Variants in CYP4B1 observed in about 807,000 individuals in gnomAD.
CYP4B1 encodes the protein cytochrome P450 family 4 subfamily B member 1.
CYP4B1 carries 45 observed loss-of-function variants against 54.0 expected under a neutral mutation model. The observed-to-expected ratio is 0.83, with a 90% confidence interval of 0.66 to 1.07. The LOEUF (loss-of-function observed/expected upper bound fraction) is 1.07, where lower values mean the gene tolerates loss of function less well. CYP4B1 is among the 50% of genes least tolerant of loss of function. The pLI, the probability that CYP4B1 is intolerant of heterozygous loss-of-function variation, is 0.00. For synonymous variants in CYP4B1, 248 were observed against 247.5 expected, an observed-to-expected ratio of 1.00 and a Z score of -0.02; for missense variants, 656 against 655.4, an observed-to-expected ratio of 1.00 and a Z score of -0.01.
chr1:46,814,488 G>A (rs532490055), intron 7 of CYP4B1, among the ~76,000 whole-genome samples, 173 bp downstream of exon 7: 1 of 152,282 alleles, frequency 6.6e-6, no homozygotes, highest in African/African-American at 2.4e-5. Context: ...GGCAGGTGTA[G>A]GGTGTGTGTG....
chr1:46,802,737 G>GA (rs978792200), intron 1 of CYP4B1, among the ~76,000 whole-genome samples: 52 of 152,176 alleles, frequency 3.4e-4, no homozygotes, highest in African/African-American at 1.2e-3. Context: ...TGCCTCAGAG[G>GA]AACTAGGTCT....
chr1:46,802,722 G>C (rs370440528), intron 1 of CYP4B1, among the ~76,000 whole-genome samples: 2 of 152,300 alleles, frequency 1.3e-5, no homozygotes, highest in East Asian at 3.9e-4. Context: ...TCAAGACAAA[G>C]AGCTTGCCTC....
chr1:46,800,291 T>TCCC (rs1678596524), intron 1 of CYP4B1, among the ~76,000 whole-genome samples: 1 of 134,048 alleles, frequency 7.5e-6, no homozygotes, highest in African/African-American at 2.8e-5. Flanking sequence ...CCTTCCTTCC[T>TCCC]TCCTTCCTTC....
chr1:46,815,127 A>G lies in CYP4B1; in HGVS notation c.936A>G (p.Thr312=), dbSNP rs747102740. The change falls in exon 8 of 12, where the codon ACA becomes ACG. Residue 312 remains threonine, a synonymous_variant. Transcript: ENST00000371923. The part of the protein sequence containing the change: ...SDADLRAEVD[T]FMFEGHDTTT... ...CAGACCTCCGGGCTGAAGTGGACAC[A>G]TTCATGTTTGAAGGCCATGACACCA... 4 of 1,614,234 alleles carry G rather than the reference A, an allele frequency of 2.5e-6. No individual in the cohort carries two copies. The South Asian group carries it at 3.3e-5, about 13-fold the overall frequency.
intron 1 of CYP4B1, among the ~76,000 whole-genome samples, chr1:46,807,055 G>A (rs1413154321): frequency 6.6e-6 from 1 of 152,182 alleles, no homozygotes; most frequent in African/African-American, 2.4e-5. Flanking sequence ...GTGCCTGGCA[G>A]GTGCTTCTAG....
chr1:46,813,669 C>T, intron 5 of CYP4B1, 63 bp downstream of exon 5: 2 of 1,602,336 alleles, frequency 1.2e-6, no homozygotes, highest in Non-Finnish European at 1.7e-6. Flanking sequence ...GGAGAGTTGG[C>T]AGGGGTCCTG....
Position 46,817,767 on chromosome 1 carries a change from C to T in CYP4B1, c.1208-198C>T, listed in dbSNP as rs537417685. 3.1e-4 allele frequency among the ~76,000 whole-genome samples: 47 copies of T among 152,238 alleles called. 1 individual carries two copies. The highest frequency in any genetic ancestry group is 2.7e-3 in the Admixed American group (41 of 15,286). On this transcript the variant is annotated intron_variant, in intron 9 of 11. Coordinates refer to ENST00000371923, the MANE Select transcript of CYP4B1 (RefSeq NM_001099772.2). The stretch of plus-strand genomic sequence containing the variant: ...GTCTATCAGGTGCTGTACCCAGTGC[C>T]GGGATTACAGGAACTGGGCATCATG...
chr1:46,815,260 C>T lies in CYP4B1; in HGVS notation c.1069C>T (p.Gln357Ter). Reference sequence around the variant, plus strand: ...GATCCTAGGGGACCAGGACTTCTTCCAGTGGTGAGTCTGAGGGTGGGCCCG... The same window carrying T: ...GATCCTAGGGGACCAGGACTTCTTCTAGTGGTGAGTCTGAGGGTGGGCCCG... The part of the protein sequence containing the change: ...REILGDQDFF[Q>*]WDDLGKMTYL... The change falls in exon 8 of 12, where the codon CAG (glutamine) becomes TAG (stop). Residue 357 changes from glutamine (Q) to a stop codon, truncating the protein, a stop_gained. Coordinates refer to ENST00000371923, the MANE Select transcript of CYP4B1 (RefSeq NM_001099772.2). LOFTEE classifies it high-confidence loss of function. 6.4e-7 allele frequency: 1 copy of T among 1,559,668 alleles called. No individual in the cohort carries two copies. Among genetic ancestry groups the T allele is most frequent in the Non-Finnish European group, 8.7e-7 (1 of 1,151,118 alleles).
rs1679467016 is a variant in CYP4B1, at chr1:46,819,340, CT to C, written c.*527del. ...AGACTGTACAAAATAATAAATAATT[CT>C]GAAGCAGACTCTCTTGTAACCATCA... On this transcript the variant is annotated 3_prime_UTR_variant, in exon 12 of 12. Coordinates refer to ENST00000371923, the MANE Select transcript of CYP4B1 (RefSeq NM_001099772.2). 6.6e-6 allele frequency: 1 copy of C among 152,660 alleles called. No individual in the cohort carries two copies. The highest frequency in any genetic ancestry group is 1.5e-5 in the Non-Finnish European group (1 of 68,432). The allele number at this position is 152,660 out of a possible 1,614,324, so 9.5% of individuals were successfully genotyped here.
Position 46,817,046 on chromosome 1 carries a change from A to G in CYP4B1, c.1074-2A>G, listed in dbSNP as rs1281568739. On this transcript the variant is annotated splice_acceptor_variant, in intron 8 of 11. Transcript: ENST00000371923. LOFTEE classifies it high-confidence loss of function. ...AGAATGTTCTGGTTGTGTTGCTGGCAGGGATGATCTGGGCAAAATGACTTA... is the reference window on the plus strand; with the variant it reads ...AGAATGTTCTGGTTGTGTTGCTGGCGGGGATGATCTGGGCAAAATGACTTA... 1 of 1,613,558 alleles carries G rather than the reference A, an allele frequency of 6.2e-7. No individual in the cohort carries two copies. The highest frequency in any genetic ancestry group is 1.3e-5 in the African/African-American group (1 of 74,912).
chr1:46,818,674 G>T lies in CYP4B1; in HGVS notation c.1399G>T (p.Val467Phe). ...QQFAMSEMKV[V>F]TAMCLLRFEF... Reference sequence around the variant, plus strand: ...GTTTGCCATGAGTGAGATGAAGGTGGTCACAGCCATGTGCTTGCTCCGCTT... The same window carrying T: ...GTTTGCCATGAGTGAGATGAAGGTGTTCACAGCCATGTGCTTGCTCCGCTT... The change falls in exon 12 of 12, where the codon GTC becomes TTC. Residue 467 changes from valine (V) to phenylalanine (F), a missense_variant. Coordinates refer to ENST00000371923, the MANE Select transcript of CYP4B1 (RefSeq NM_001099772.2). 6.2e-7 allele frequency: 1 copy of T among 1,614,206 alleles called. No homozygotes were observed. Among genetic ancestry groups the T allele is most frequent in the Non-Finnish European group, 8.5e-7 (1 of 1,180,038 alleles).
rs773046536 is a variant in CYP4B1 at position 46,812,555 on chromosome 1, C to A, written c.427C>A (p.Pro143Thr). Residue 143 changes from proline to threonine, a missense_variant, in exon 4 of 12, where the codon CCT becomes ACT. Pro to Thr is a conservative substitution (Grantham distance 38, BLOSUM62 -1). Transcript: ENST00000371923. ...GTTGCAGCACCGCAAGCTGCTCACA[C>A]CTGGCTTTCATTATGATGTGCTGAA... is the stretch of plus-strand genomic sequence containing the variant. ...KWLQHRKLLTPGFHYDVLKPY... is the reference protein window; with the variant it reads ...KWLQHRKLLTTGFHYDVLKPY... 1.2e-6 allele frequency: 2 copies of A among 1,614,074 alleles called. No homozygotes were observed. Among genetic ancestry groups the A allele is most frequent in the Non-Finnish European group, 1.7e-6 (2 of 1,179,966 alleles).
Position 46,810,901 on chromosome 1 carries a change from C to G in CYP4B1, c.274C>G (p.Leu92Val). ...PLWFGQFIGF[L>V]NIYEPDYAKA... ...CTGGTTCGGACAGTTCATTGGCTTC[C>G]TGAACATCTATGAGCCTGACTATGC... Residue 92 changes from leucine to valine, a missense_variant, in exon 2 of 12, where the codon CTG (leucine) becomes GTG (valine). Coordinates refer to ENST00000371923, the MANE Select transcript of CYP4B1 (RefSeq NM_001099772.2). The G allele has an allele frequency of 6.2e-7, 1 of 1,614,152 alleles. No individual in the cohort carries two copies. Among genetic ancestry groups the G allele is most frequent in the South Asian group, 1.1e-5 (1 of 91,082 alleles).
chr1:46,811,628 A>C (rs1333674165), intron 3 of CYP4B1, among the ~76,000 whole-genome samples: 1 of 152,214 alleles, frequency 6.6e-6, no homozygotes. Context: ...CAGGGAGGAC[A>C]GGCCAGCCTT....
chr1:46,810,778 A>C (rs771254668), intron 1 of CYP4B1, 30 bp from the exon 2 acceptor site: 37 of 1,613,510 alleles, frequency 2.3e-5, no homozygotes, highest in Non-Finnish European at 2.8e-5. Flanking sequence ...TGTGTTCCTG[A>C]GTGACCTTGG....
At chr1:46,812,183 G>A (rs745373978) in intron 3 of CYP4B1, 40 of 510,658 alleles carry the variant, frequency 7.8e-5, no homozygotes, top group Admixed American at 1.1e-4. Context: ...CCAGGGGGAT[G>A]CGTGTCCTTT....
At chr1:46,812,756 C>A in intron 4 of CYP4B1, 133 bp downstream of exon 4, 2 of 1,020,944 alleles carry the variant, frequency 2.0e-6, no homozygotes, top group Non-Finnish European at 2.9e-6. Flanking sequence ...GCCTGTTCTG[C>A]CTGCAACAGC....
chr1:46,818,169 C>T lies in CYP4B1; in HGVS notation c.1311C>T (p.Ser437=), dbSNP rs555691883. The T allele has an allele frequency of 6.2e-6, 10 of 1,614,176 alleles. No individual in the cohort carries two copies. In the African/African-American group the frequency reaches 1.1e-4, roughly 17 times the overall value. Residue 437 remains serine (S), a synonymous_variant, in exon 11 of 12, where the codon TCC becomes TCT. Coordinates refer to ENST00000371923, the MANE Select transcript of CYP4B1 (RefSeq NM_001099772.2). ...DSLRFSTENA[S]KRHPFAFMPF... is the part of the protein sequence containing the mutation. ...TGCGCTTTTCCACTGAGAATGCATC[C>T]AAACGCCATCCCTTTGCCTTTATGC...
chr1:46,810,850 C>T lies in CYP4B1; in HGVS notation c.223C>T (p.His75Tyr). 7 of 1,614,102 alleles carry T rather than the reference C, an allele frequency of 4.3e-6. No homozygotes were observed. The highest frequency in any genetic ancestry group is 5.9e-6 in the Non-Finnish European group (7 of 1,179,994). Residue 75 changes from histidine (H) to tyrosine (Y), a missense_variant, in exon 2 of 12, where the codon CAC (histidine) becomes TAC (tyrosine). Transcript: ENST00000371923. The part of the protein sequence containing the change: ...GSLDKVVSWA[H>Y]QFPYAHPLWF... ...CCTGGACAAAGTGGTGTCCTGGGCC[C>T]ACCAGTTCCCGTATGCCCACCCACT...
Sources: allele counts gnomAD v4.1 joint callset (sites outside exome capture counted in the v4.1 genomes callset), GRCh38; gene constraint gnomAD v4.1.1; transcripts MANE v1.5; gene names NCBI Gene and HGNC (gene_info 2026-07-23, HGNC 2026-07-21).